The following EXOC2 variants were observed in gnomAD, a reference collection of about 807,000 sequenced individuals.
EXOC2 encodes SEC5-like 1.
A neutral mutation model predicts 131.8 loss-of-function variants in EXOC2; 70 were observed. The ratio of observed to expected loss-of-function variants is 0.53; its 90% CI spans 0.44 to 0.65. The LOEUF (loss-of-function observed/expected upper bound fraction) is 0.65, where lower values mean the gene tolerates loss of function less well. Among genes scored for constraint, EXOC2 ranks in the 30% least tolerant of loss-of-function variants. The pLI, the probability that EXOC2 is intolerant of heterozygous loss-of-function variation, is 0.00. For synonymous variants in EXOC2, 411 were observed against 398.4 expected, an observed-to-expected ratio of 1.03 and a Z score of -0.38; for missense variants, 923 against 1,108.6, an observed-to-expected ratio of 0.83 and a Z score of 2.38.
intron 23 of EXOC2, among the ~76,000 whole-genome samples, chr6:502,041 G>A (rs535761270): frequency 3.5e-4 from 54 of 152,222 alleles, no homozygotes; most frequent in Middle Eastern, 3.4e-3. Flanking sequence ...GCCTGGCCTC[G>A]CCGCTCATAC....
At chr6:526,432 A>ATTTTTTTTTTTTT (rs70985804) in intron 23 of EXOC2, among the ~76,000 whole-genome samples, 1 of 76,006 alleles carries the variant, frequency 1.3e-5, no homozygotes, top group Non-Finnish European at 2.4e-5. Context: ...TTCTTTGTGG[A>ATTTTTTTTTTTTT]TTTTTTTTTT....
At chr6:686,389 C>T (rs1285398395) in intron 1 of EXOC2, among the ~76,000 whole-genome samples, 1 of 151,898 alleles carries the variant, frequency 6.6e-6, no homozygotes, top group South Asian at 2.1e-4. Context: ...GAAAATAATC[C>T]AATAATTTAA....
At chr6:531,218 A>T (rs1766058162) in intron 23 of EXOC2, among the ~76,000 whole-genome samples, 1 of 152,174 alleles carries the variant, frequency 6.6e-6, no homozygotes, top group Non-Finnish European at 1.5e-5. Context: ...TGTGAGGTGG[A>T]GCATTGGGGC....
At chr6:676,943 T>G (rs142290550) in intron 1 of EXOC2, among the ~76,000 whole-genome samples, 2 of 70,450 alleles carry the variant, frequency 2.8e-5, no homozygotes, top group African/African-American at 3.7e-5. Flanking sequence ...CAGGTTCCTC[T>G]GAAGACTCTG....
chr6:588,775 A>G (rs969190042), intron 11 of EXOC2, among the ~76,000 whole-genome samples: 10 of 152,226 alleles, frequency 6.6e-5, no homozygotes, highest in Non-Finnish European at 1.5e-4. Context: ...TGCTCAGAGT[A>G]AGTGAGTTAC....
chr6:597,082 G>A (rs1759859301), intron 10 of EXOC2, among the ~76,000 whole-genome samples: 2 of 152,194 alleles, frequency 1.3e-5, no homozygotes, highest in Admixed American at 1.3e-4. Context: ...CAAGTCGGTT[G>A]CCCAAAGTTA....
chr6:647,383 AG>A (rs1490609927), intron 1 of EXOC2, among the ~76,000 whole-genome samples: 1 of 151,380 alleles, frequency 6.6e-6, no homozygotes, highest in Non-Finnish European at 1.5e-5. Flanking sequence ...GATTATCAGC[AG>A]GGGTGGTATT....
Position 619,503 on chromosome 6 carries a change from CA to C in EXOC2, c.462del (p.His154GlnfsTer3), listed in dbSNP as rs1761177180. 1.9e-5 allele frequency: 30 copies of C among 1,613,966 alleles called. No individual in the cohort carries two copies. Among genetic ancestry groups the C allele is most frequent in the Non-Finnish European group, 3.4e-6 (4 of 1,180,014 alleles). ...TCACTTGTAAAATCAGCACTCATTC[CA>C]TGGAATAGCATTTCTAAGTCCTTCT... is the stretch of plus-strand genomic sequence containing the variant. ...FSQKDLEMLF[H>X]GMSADFTSEN... On this transcript the variant is annotated frameshift_variant, in exon 5 of 28. Transcript: ENST00000230449. LOFTEE classifies it high-confidence loss of function.
intron 1 of EXOC2, among the ~76,000 whole-genome samples, chr6:647,911 T>A (rs1284550082): frequency 1.3e-5 from 2 of 151,980 alleles, no homozygotes; most frequent in African/African-American, 4.8e-5. Flanking sequence ...CTGATCTACT[T>A]TCTTATTTAT....
At chr6:677,108 G>A (rs181366973) in intron 1 of EXOC2, among the ~76,000 whole-genome samples, 1 of 62,518 alleles carries the variant, frequency 1.6e-5, no homozygotes, top group African/African-American at 4.2e-5. Context: ...GCTTTCTCTG[G>A]AGACTGCGGT....
intron 23 of EXOC2, among the ~76,000 whole-genome samples, chr6:518,579 A>G (rs1765291212): frequency 6.6e-6 from 1 of 152,248 alleles, no homozygotes; most frequent in South Asian, 2.1e-4. Flanking sequence ...ATTTAAGACC[A>G]TTTGAGCCAA....
At chr6:580,756 A>G (rs1758846848) in intron 11 of EXOC2, among the ~76,000 whole-genome samples, 1 of 152,156 alleles carries the variant, frequency 6.6e-6, no homozygotes, top group Non-Finnish European at 1.5e-5. Flanking sequence ...ATGCAATTCT[A>G]AAAGTCTTTT....
intron 23 of EXOC2, among the ~76,000 whole-genome samples, chr6:516,935 G>T (rs1031994436): frequency 1.3e-5 from 2 of 152,206 alleles, no homozygotes; most frequent in Non-Finnish European, 2.9e-5. Context: ...GACCACGGTA[G>T]AGGGAACGCA....
intron 23 of EXOC2, among the ~76,000 whole-genome samples, chr6:521,332 A>G (rs1282379882): frequency 6.6e-6 from 1 of 152,178 alleles, no homozygotes; most frequent in East Asian, 1.9e-4. Flanking sequence ...CCACGCACTG[A>G]GTGCCGACAG....
chr6:558,699 G>A (rs2127578374), intron 17 of EXOC2, among the ~76,000 whole-genome samples: 1 of 152,158 alleles, frequency 6.6e-6, no homozygotes, highest in South Asian at 2.1e-4. Context: ...TGTAGTCCTA[G>A]GTACTCAGGA....
At chr6:488,857 TGATTCTTATTTG>T (rs1763253140) in intron 27 of EXOC2, 110 bp downstream of exon 27, 1 of 1,052,644 alleles carries the variant, frequency 9.5e-7, no homozygotes, top group Non-Finnish European at 1.4e-6. Context: ...CTGCTTATTC[TGATTCTTATTTG>T]GATTCTGCTC....
intron 10 of EXOC2, among the ~76,000 whole-genome samples, chr6:594,811 A>T (rs1474172529): frequency 6.6e-6 from 1 of 152,220 alleles, no homozygotes; most frequent in Non-Finnish European, 1.5e-5. Flanking sequence ...GGGCTCTTCA[A>T]ATAAGTTTCT....
intron 22 of EXOC2, 103 bp downstream of exon 22, chr6:549,072 C>T (rs1757009548): frequency 1.8e-5 from 16 of 887,768 alleles, no homozygotes; most frequent in Middle Eastern, 2.2e-4. Context: ...GGGGGCGGCA[C>T]GCAGAGGGAA....
At chr6:599,906 A>G (rs1760036261) in intron 7 of EXOC2, among the ~76,000 whole-genome samples, 1 of 152,130 alleles carries the variant, frequency 6.6e-6, no homozygotes. Flanking sequence ...CACTGTAATG[A>G]AAGAGTTGCT....
Sources: gnomAD v4.1 joint callset for allele counts (sites outside exome capture counted in the v4.1 genomes callset) on GRCh38, gnomAD v4.1.1 for gene constraint, MANE v1.5 for transcripts, NCBI Gene and HGNC (gene_info 2026-07-23, HGNC 2026-07-21) for gene names.